The following ACOT1 variants were observed in gnomAD, a reference collection of about 807,000 sequenced individuals.
The protein encoded by ACOT1 is acyl-coenzyme A thioesterase 1.
In ACOT1, 8 loss-of-function variants were observed where a neutral mutation model predicts 15.7. The ratio of observed to expected loss-of-function variants is 0.51; its 90% CI spans 0.30 to 0.92. The LOEUF is 0.92. Ranked by LOEUF, ACOT1 falls within the 40% of genes least tolerant of loss-of-function variation. ACOT1 has a pLI of 0.06. For synonymous variants in ACOT1, 67 were observed against 241.2 expected, an observed-to-expected ratio of 0.28 and a Z score of 6.69; for missense variants, 151 against 539.4, an observed-to-expected ratio of 0.28 and a Z score of 7.13.
chr14:73,496,651 T>C, the ACOT1 span: 10 of 1,594,976 alleles, frequency 6.3e-6, no homozygotes, highest in African/African-American at 1.3e-4. Flanking sequence ...TTTCCTAAGT[T>C]GAGTATCTTC....
At chr14:73,516,867 C>T in the ACOT1 span, among the ~76,000 whole-genome samples, 1 of 152,208 alleles carries the variant, frequency 6.6e-6, no homozygotes, top group African/African-American at 2.4e-5. Context: ...TGAGGTGGAA[C>T]CATTTCATCC....
chr14:73,537,819 G>A lies in ACOT1; in HGVS notation c.398G>A (p.Gly133Glu), dbSNP rs1183206109. The A allele has an allele frequency of 1.6e-6, 2 of 1,212,648 alleles. 1 individual carries two copies. Among genetic ancestry groups the A allele is most frequent in the Admixed American group, 5.5e-5 (2 of 36,408 alleles). The allele number at this position is 1,212,648 out of a possible 1,614,324, so 75.1% of individuals were successfully genotyped here. The change falls in exon 1 of 3, where the codon GGG becomes GAG. Residue 133 changes from glycine to glutamate, a missense_variant. Transcript: ENST00000311148. ...VRHERYFLPP[G>E]VRREPVRAGR... The stretch of plus-strand genomic sequence containing the variant: ...CACGAGCGCTACTTCCTCCCGCCCG[G>A]GGTGCGGCGCGAGCCGGTGCGCGCG...
chr14:73,533,064 G>T (rs1888757516), upstream of ACOT1, among the ~76,000 whole-genome samples: 1 of 115,702 alleles, frequency 8.6e-6, no homozygotes, highest in Non-Finnish European at 1.9e-5. Context: ...GTTTGAGGCT[G>T]CAGTGAGCTA....
chr14:73,500,913 A>G, the ACOT1 span, among the ~76,000 whole-genome samples: 1 of 152,166 alleles, frequency 6.6e-6, no homozygotes, highest in Non-Finnish European at 1.5e-5. Context: ...TTGAATCCCT[A>G]ATACATAGCT....
At chr14:73,535,746 T>C, upstream of ACOT1, among the ~76,000 whole-genome samples, 2 of 114,510 alleles carry the variant, frequency 1.7e-5, 1 homozygote, top group Non-Finnish European at 3.8e-5. Flanking sequence ...CCCAAAGTGC[T>C]GGGATTACAG....
chr14:73,519,770 C>T, the ACOT1 span, among the ~76,000 whole-genome samples: 1 of 152,134 alleles, frequency 6.6e-6, no homozygotes, highest in Non-Finnish European at 1.5e-5. Flanking sequence ...GTAATCCCAG[C>T]ACTTTGGGAG....
the ACOT1 span, among the ~76,000 whole-genome samples, chr14:73,528,558 G>A: frequency 1.3e-5 from 2 of 152,118 alleles, no homozygotes; most frequent in Non-Finnish European, 2.9e-5. Flanking sequence ...GTCTTTGTCT[G>A]CCTTGGAGTC....
chr14:73,518,973 G>C, the ACOT1 span: 1 of 1,562,386 alleles, frequency 6.4e-7, no homozygotes. Context: ...ATGGGAAGTA[G>C]CCACATTCCC....
the ACOT1 span, chr14:73,514,333 C>T: frequency 4.7e-6 from 5 of 1,074,284 alleles, no homozygotes; most frequent in Non-Finnish European, 6.8e-6. Flanking sequence ...CTGACTAATA[C>T]CAAAGCAAAA....
chr14:73,530,019 G>A, the ACOT1 span: 5 of 139,202 alleles, frequency 3.6e-5, no homozygotes, highest in South Asian at 2.5e-4. Context: ...GCTGGAGTGC[G>A]GTGGCACAGT....
chr14:73,521,886 G>A, the ACOT1 span, among the ~76,000 whole-genome samples: 1 of 152,342 alleles, frequency 6.6e-6, no homozygotes, highest in African/African-American at 2.4e-5. Flanking sequence ...AAAGTCTGCT[G>A]GAGAAGGTTG....
the ACOT1 span, chr14:73,495,514 TC>T: frequency 1.4e-6 from 1 of 731,292 alleles, no homozygotes. Context: ...GCCCAACAGT[TC>T]AAGGCTACAG....
chr14:73,500,767 A>C, the ACOT1 span: 14 of 1,594,746 alleles, frequency 8.8e-6, no homozygotes, highest in Non-Finnish European at 1.2e-5. Context: ...CACCTCCTTA[A>C]ACTTTCAGTA....
chr14:73,491,388 C>T, the ACOT1 span: 2 of 1,351,704 alleles, frequency 1.5e-6, no homozygotes, highest in South Asian at 1.9e-5. Flanking sequence ...CGCCTGGTGC[C>T]CGCTTCCGCG....
At chr14:73,502,870 T>A in the ACOT1 span, 4 of 1,540,908 alleles carry the variant, frequency 2.6e-6, no homozygotes, top group African/African-American at 5.4e-5. Flanking sequence ...TAGAAGAGTG[T>A]CTCCTCATGT....
At chr14:73,509,402 G>A in the ACOT1 span, 1 of 1,614,076 alleles carries the variant, frequency 6.2e-7, no homozygotes, top group Non-Finnish European at 8.5e-7. Flanking sequence ...ATCCGCACAT[G>A]GGCATTCTTG....
chr14:73,503,163 A>T, the ACOT1 span: 2 of 646,990 alleles, frequency 3.1e-6, no homozygotes, highest in Non-Finnish European at 5.5e-6. Flanking sequence ...TCTCCCAAAG[A>T]ATCCAGTGGG....
At chr14:73,502,878 T>C in the ACOT1 span, 25 of 1,582,504 alleles carry the variant, frequency 1.6e-5, no homozygotes, top group Middle Eastern at 3.3e-4. Flanking sequence ...TGTCTCCTCA[T>C]GTTGACTGGG....
At chr14:73,499,937 CATG>C in the ACOT1 span, among the ~76,000 whole-genome samples, 2 of 152,120 alleles carry the variant, frequency 1.3e-5, no homozygotes, top group South Asian at 4.2e-4. Flanking sequence ...TTTCTTAAAA[CATG>C]AGATTTATGC....
Sources: gnomAD v4.1 joint callset for allele counts (sites outside exome capture counted in the v4.1 genomes callset) on GRCh38, gnomAD v4.1.1 for gene constraint, MANE v1.5 for transcripts, NCBI Gene and HGNC (gene_info 2026-07-23, HGNC 2026-07-21) for gene names.